Variants in ADAM12 observed in about 807,000 individuals in gnomAD.
ADAM12 encodes ADAM metallopeptidase domain 12.
A neutral mutation model predicts 106.4 loss-of-function variants in ADAM12; 70 were observed. The observed-to-expected ratio is 0.66, with a 90% CI of 0.54 to 0.80. ADAM12 has a LOEUF of 0.80. ADAM12 is among the 30% of genes least tolerant of loss of function. The pLI, the probability that ADAM12 is intolerant of heterozygous loss-of-function variation, is 0.00. For synonymous variants in ADAM12, 420 were observed against 433.5 expected (o/e 0.97, Z 0.39); for missense variants, 1,010 against 1,171.9 (o/e 0.86, Z 2.02).
chr10:126,202,775 A>G (rs901155884), intron 3 of ADAM12, among the ~76,000 whole-genome samples: 3 of 152,208 alleles, frequency 2.0e-5, no homozygotes, highest in African/African-American at 7.2e-5. Flanking sequence ...TACAGAACTC[A>G]AGTGGCTTCA....
chr10:126,086,680 A>AAAAAAAAAATATATAT (rs1554966976), intron 11 of ADAM12, among the ~76,000 whole-genome samples: 4 of 24,268 alleles, frequency 1.6e-4, no homozygotes, highest in Non-Finnish European at 2.3e-4. Flanking sequence ...AAAAAAAAAA[A>AAAAAAAAAATATATAT]ATATATATAT....
intron 3 of ADAM12, among the ~76,000 whole-genome samples, chr10:126,227,322 A>T (rs10466250): frequency 1.3e-5 from 2 of 151,874 alleles, no homozygotes; most frequent in Admixed American, 6.6e-5. Context: ...TGCCATCACC[A>T]CCTGTCATCA....
chr10:126,194,019 C>T (rs1957552816), intron 3 of ADAM12, among the ~76,000 whole-genome samples: 1 of 152,050 alleles, frequency 6.6e-6, no homozygotes, highest in South Asian at 2.1e-4. Flanking sequence ...TGCTGTTGTA[C>T]AGCCTGAAAT....
chr10:126,137,989 C>G (rs1359093651), intron 4 of ADAM12, among the ~76,000 whole-genome samples: 1 of 152,198 alleles, frequency 6.6e-6, no homozygotes, highest in African/African-American at 2.4e-5. Context: ...TTTTGCCAAG[C>G]AGCTGAACCA....
rs7893541 is a variant in ADAM12 at position 126,131,616 on chromosome 10, C to T, written c.416+3968G>A. ...CACCAGAGCTTCCTCCCTCTGTACA[C>T]GCACAAAGAGAGGTCACGTGAGCAC... On this transcript the variant is annotated intron_variant, in intron 5 of 22. Coordinates refer to ENST00000448723, the MANE Select transcript of ADAM12 (RefSeq NM_001288973.2). Among the ~76,000 whole-genome samples the T allele has an allele frequency of 3.9e-5, 6 of 152,096 alleles. 1 individual carries two copies. In the South Asian group the frequency reaches 6.2e-4, roughly 16 times the overall value.
chr10:126,248,673 GTATGTATGTATGTATTTATTTATTTATT>G (rs201906021), intron 3 of ADAM12, among the ~76,000 whole-genome samples: 6,479 of 112,954 alleles, frequency 0.057, 218 homozygotes, highest in African/African-American at 0.12. Context: ...ATGTATGTAT[GTATGTATGTATGTATTTATTTATTTATT>G]TATTTATTTA....
At chr10:126,337,406 A>C (rs1854741173) in intron 1 of ADAM12, among the ~76,000 whole-genome samples, 1 of 152,246 alleles carries the variant, frequency 6.6e-6, no homozygotes, top group African/African-American at 2.4e-5. Context: ...CAAGTCCCAG[A>C]GTCCAAAGGT....
In ADAM12 at chr10:126,109,770, C is replaced by CT. The variant is rs754888916; in HGVS notation, c.669+4dup. 1.9e-6 allele frequency: 3 copies of CT among 1,610,420 alleles called. No homozygotes were observed. The highest frequency in any genetic ancestry group is 1.7e-4 in the Middle Eastern group (1 of 6,034). ...CCATACTGAGAAATTTTAAAAAGTT[C>CT]TTACCTCTCGGTTGTCTGCCACGAT... On this transcript the variant is annotated splice_donor_region_variant and intron_variant, in intron 7 of 22. Coordinates refer to ENST00000448723, the MANE Select transcript of ADAM12 (RefSeq NM_001288973.2).
At chr10:126,266,864 A>G (rs10901577) in intron 3 of ADAM12, among the ~76,000 whole-genome samples, 51,096 of 151,930 alleles carry the variant, frequency 0.34, 8,792 homozygotes, top group South Asian at 0.49. Context: ...CGAGAACAGC[A>G]CTAGGGGGAT....
chr10:126,372,841 C>A (rs376628246), intron 1 of ADAM12, among the ~76,000 whole-genome samples: 1 of 152,090 alleles, frequency 6.6e-6, no homozygotes, highest in Non-Finnish European at 1.5e-5. Flanking sequence ...TGATAATCAC[C>A]TTTTTAAAGG....
At chr10:126,169,687 T>C (rs1957085378) in intron 3 of ADAM12, among the ~76,000 whole-genome samples, 1 of 152,196 alleles carries the variant, frequency 6.6e-6, no homozygotes, top group Non-Finnish European at 1.5e-5. Context: ...CCACCTAAAA[T>C]ATATCTGTTT....
chr10:126,310,884 T>C (rs1961054259), intron 2 of ADAM12, among the ~76,000 whole-genome samples: 1 of 152,076 alleles, frequency 6.6e-6, no homozygotes. Context: ...AGAGGGATGA[T>C]ACATTTTTGT....
At chr10:126,292,564 G>A (rs67318184) in intron 2 of ADAM12, among the ~76,000 whole-genome samples, 11,810 of 152,184 alleles carry the variant, frequency 0.078, 520 homozygotes, top group African/African-American at 0.12. Context: ...AGCATCCCAG[G>A]CTCCTCCACC....
At chr10:126,156,185 G>C (rs1219548553) in intron 3 of ADAM12, among the ~76,000 whole-genome samples, 2 of 152,112 alleles carry the variant, frequency 1.3e-5, no homozygotes, top group Non-Finnish European at 2.9e-5. Flanking sequence ...GAGCTGGTAG[G>C]GTGATGGTTG....
intron 4 of ADAM12, among the ~76,000 whole-genome samples, chr10:126,143,413 G>T (rs1302046448): frequency 6.7e-6 from 1 of 149,438 alleles, no homozygotes; most frequent in Admixed American, 6.7e-5. Context: ...GTGTGCAGAT[G>T]TGTGAATGTG....
chr10:126,375,522 T>C (rs966384932), intron 1 of ADAM12, among the ~76,000 whole-genome samples: 1 of 152,126 alleles, frequency 6.6e-6, no homozygotes, highest in African/African-American at 2.4e-5. Flanking sequence ...CTTTGGACTC[T>C]GTGTCTGAAA....
chr10:126,364,264 C>G (rs1279715706), intron 1 of ADAM12, among the ~76,000 whole-genome samples: 1 of 151,738 alleles, frequency 6.6e-6, no homozygotes, highest in Non-Finnish European at 1.5e-5. Flanking sequence ...CATTAAAACC[C>G]AAAACAAAAG....
chr10:126,340,870 C>T (rs1001980832), intron 1 of ADAM12, among the ~76,000 whole-genome samples: 8 of 151,978 alleles, frequency 5.3e-5, no homozygotes, highest in African/African-American at 1.9e-4. Context: ...GTGCCCCCAC[C>T]ACGCCTGGCT....
intron 1 of ADAM12, among the ~76,000 whole-genome samples, chr10:126,385,079 A>G (rs1856616529): frequency 6.6e-6 from 1 of 152,212 alleles, no homozygotes; most frequent in Non-Finnish European, 1.5e-5. Context: ...CCAGTTTATT[A>G]TATTAATGAA....
Sources: allele counts gnomAD v4.1 joint callset (sites outside exome capture counted in the v4.1 genomes callset), GRCh38; gene constraint gnomAD v4.1.1; transcripts MANE v1.5; gene names NCBI Gene and HGNC (gene_info 2026-07-23, HGNC 2026-07-21).